The following POU6F2 variants were observed in gnomAD, a reference collection of about 807,000 sequenced individuals.
POU6F2 encodes POU domain, class 6, transcription factor 2.
A neutral mutation model predicts 71.3 loss-of-function variants in POU6F2; 31 were observed. That is an observed-to-expected ratio of 0.43 (90% CI 0.33 to 0.59). POU6F2 has a LOEUF of 0.59. Ranked by LOEUF, POU6F2 falls within the 20% of genes least tolerant of loss-of-function variation. POU6F2 has a pLI of 0.04. For synonymous variants in POU6F2, 347 were observed against 355.7 expected (o/e 0.98, Z 0.27); for missense variants, 783 against 856.8 (o/e 0.91, Z 1.07).
At chr7:39,245,087 G>A (rs780237802) in intron 4 of POU6F2, among the ~76,000 whole-genome samples, 18 of 152,154 alleles carry the variant, frequency 1.2e-4, no homozygotes, top group Non-Finnish European at 2.5e-4. Context: ...ATGAATTAGC[G>A]AAGTTAAGGA....
intron 1 of POU6F2, among the ~76,000 whole-genome samples, chr7:38,980,570 G>C (rs1788291969): frequency 6.6e-6 from 1 of 152,058 alleles, no homozygotes; most frequent in African/African-American, 2.4e-5. Flanking sequence ...AACCAGAAAG[G>C]GATGGTTTAT....
intron 1 of POU6F2, among the ~76,000 whole-genome samples, chr7:39,001,616 C>T (rs1465713643): frequency 6.6e-6 from 1 of 152,128 alleles, no homozygotes; most frequent in Non-Finnish European, 1.5e-5. Context: ...GCATGGTCAA[C>T]CTGTTGACCA....
rs140401152 is a variant in POU6F2, at chr7:39,362,034, T to C, written c.972+22019T>C. Among the ~76,000 whole-genome samples the C allele has an allele frequency of 4.2e-3, 635 of 152,324 alleles. 4 individuals are homozygous for C. The highest frequency in any genetic ancestry group is 0.014 in the African/African-American group (581 of 41,574). ...TCTGGCTGCCATTATCTGGTGGTGA[T>C]GTCTGAGAGTATACAGTGGTATTCA... On this transcript the variant is annotated intron_variant, in intron 5 of 9. Transcript: ENST00000518318.
chr7:39,303,879 A>G (rs925270954), intron 4 of POU6F2, among the ~76,000 whole-genome samples: 1 of 152,240 alleles, frequency 6.6e-6, no homozygotes, highest in South Asian at 2.1e-4. Flanking sequence ...CCTACTTCAG[A>G]CCTTTATAAT....
At chr7:39,295,689 T>G (rs1441910506) in intron 4 of POU6F2, among the ~76,000 whole-genome samples, 2 of 152,230 alleles carry the variant, frequency 1.3e-5, no homozygotes, top group South Asian at 2.1e-4. Flanking sequence ...GTCCTGTGTG[T>G]TGTTATATCT....
At chr7:39,016,278 A>G (rs905324300) in intron 1 of POU6F2, among the ~76,000 whole-genome samples, 2 of 148,928 alleles carry the variant, frequency 1.3e-5, no homozygotes, top group Non-Finnish European at 3.0e-5. Flanking sequence ...ACTATATAAT[A>G]ACAACTATTT....
At chr7:39,117,894 C>G (rs1525792) in intron 2 of POU6F2, among the ~76,000 whole-genome samples, 18,670 of 152,062 alleles carry the variant, frequency 0.12, 1,182 homozygotes, top group Middle Eastern at 0.15. Context: ...GACACCCAGC[C>G]CAGCATAGGA....
chr7:39,136,571 TAAG>T (rs1186687410), intron 2 of POU6F2, among the ~76,000 whole-genome samples: 2 of 152,216 alleles, frequency 1.3e-5, no homozygotes, highest in African/African-American at 4.8e-5. Context: ...TACAGGCTTT[TAAG>T]AAGGCAATTT....
At chr7:39,394,028 A>G (rs1787127290) in intron 5 of POU6F2, among the ~76,000 whole-genome samples, 1 of 152,218 alleles carries the variant, frequency 6.6e-6, no homozygotes. Context: ...AATACATCAG[A>G]ATGCTCCAGT....
chr7:39,266,750 T>A (rs1292160433), intron 4 of POU6F2, among the ~76,000 whole-genome samples: 1 of 92,706 alleles, frequency 1.1e-5, no homozygotes, highest in Admixed American at 1.4e-4. Flanking sequence ...ATTTATGGGG[T>A]ACAATTTAAC....
intron 4 of POU6F2, among the ~76,000 whole-genome samples, chr7:39,297,527 A>G (rs117100900): frequency 0.013 from 2,009 of 152,312 alleles, 19 homozygotes; most frequent in Middle Eastern, 0.037. Flanking sequence ...TTGCTTTAAC[A>G]TATATAATCA....
chr7:39,300,304 A>T (rs1784929114), intron 4 of POU6F2, among the ~76,000 whole-genome samples: 2 of 152,238 alleles, frequency 1.3e-5, no homozygotes, highest in African/African-American at 4.8e-5. Context: ...AACCATGCAG[A>T]TAATCAAGGA....
At chr7:39,336,846 T>C (rs1027725037) in intron 4 of POU6F2, among the ~76,000 whole-genome samples, 3 of 152,222 alleles carry the variant, frequency 2.0e-5, no homozygotes, top group Admixed American at 6.5e-5. Flanking sequence ...TATTTTGGCA[T>C]AAAGTAGGTT....
chr7:39,321,449 G>A (rs1785388518), intron 4 of POU6F2, among the ~76,000 whole-genome samples: 1 of 152,228 alleles, frequency 6.6e-6, no homozygotes, highest in Non-Finnish European at 1.5e-5. Context: ...GGCAGCTGGA[G>A]TGTGAGGTTA....
At chr7:38,982,883 T>C (rs1788359208) in intron 1 of POU6F2, among the ~76,000 whole-genome samples, 1 of 152,112 alleles carries the variant, frequency 6.6e-6, no homozygotes, top group Admixed American at 6.5e-5. Context: ...TTGCATGTAA[T>C]AAGTTTCCTG....
chr7:39,428,793 C>T (rs1259754720), intron 6 of POU6F2, among the ~76,000 whole-genome samples: 3 of 152,038 alleles, frequency 2.0e-5, no homozygotes, highest in Non-Finnish European at 4.4e-5. Context: ...AAAACTCACT[C>T]ATCAAGTTCA....
chr7:39,380,808 A>G (rs1786812244), intron 5 of POU6F2, among the ~76,000 whole-genome samples: 1 of 152,154 alleles, frequency 6.6e-6, no homozygotes. Context: ...GACTTCGCTG[A>G]GACAAGTTTC....
intron 1 of POU6F2, among the ~76,000 whole-genome samples, chr7:39,015,641 A>T (rs1789469630): frequency 9.5e-6 from 1 of 105,062 alleles, no homozygotes; most frequent in Admixed American, 1.4e-4. Flanking sequence ...TATCTATGTT[A>T]TATATAGATA....
In POU6F2 at chr7:39,418,250, T is replaced by C. The variant is rs150345036; in HGVS notation, c.1113+11510T>C. Reference sequence around the variant, plus strand: ...CACATAAAGACCATAAATACAGTAATAAAATCTGTGGCCTGAATGGAGTAT... The same window carrying C: ...CACATAAAGACCATAAATACAGTAACAAAATCTGTGGCCTGAATGGAGTAT... On this transcript the variant is annotated intron_variant, in intron 6 of 9. Coordinates refer to ENST00000518318, the MANE Select transcript of POU6F2 (RefSeq NM_001370959.1). Among the ~76,000 whole-genome samples, 57 of 152,334 alleles carry C rather than the reference T, an allele frequency of 3.7e-4. 1 individual carries two copies. In the East Asian group the frequency reaches 0.011, roughly 29 times the overall value.
Sources: allele counts gnomAD v4.1 joint callset (sites outside exome capture counted in the v4.1 genomes callset), GRCh38; gene constraint gnomAD v4.1.1; transcripts MANE v1.5; gene names NCBI Gene and HGNC (gene_info 2026-07-23, HGNC 2026-07-21).